Variants in ECT2 observed in about 807,000 individuals in gnomAD.
The protein encoded by ECT2 is epithelial cell transforming 2.
In ECT2, 61 loss-of-function variants were observed where a neutral mutation model predicts 116.9. The ratio of observed to expected loss-of-function variants is 0.52; its 90% CI spans 0.42 to 0.65. ECT2 has a LOEUF of 0.65. Among genes scored for constraint, ECT2 ranks in the 30% least tolerant of loss-of-function variants. The pLI, the probability that ECT2 is intolerant of heterozygous loss-of-function variation, is 0.00. For missense variants in ECT2, 937 were observed against 1,078.7 expected, an observed-to-expected ratio of 0.87 and a Z score of 1.84; for synonymous variants, 358 against 346.4, an observed-to-expected ratio of 1.03 and a Z score of -0.37.
intron 24 of ECT2, chr3:172,818,742 G>A: frequency 7.8e-7 from 1 of 1,287,578 alleles, no homozygotes; most frequent in Non-Finnish European, 1.0e-6. Context: ...TTCTTTCCAA[G>A]TCATCTTTGA....
intron 13 of ECT2, among the ~76,000 whole-genome samples, chr3:172,772,532 T>C (rs1301240768): frequency 6.6e-6 from 1 of 152,216 alleles, no homozygotes; most frequent in African/African-American, 2.4e-5. Context: ...TAGTCCTTTG[T>C]CAAACATGAC....
In ECT2 at chr3:172,762,857, C is replaced by T. The variant is rs775104619; in HGVS notation, c.1005+51C>T. Reference sequence around the variant, plus strand: ...TTTTTAAAAACACTATTAATAGCTTCTCTGATAAAATAAATGTAAACTGTT... The same window carrying T: ...TTTTTAAAAACACTATTAATAGCTTTTCTGATAAAATAAATGTAAACTGTT... On this transcript the variant is annotated intron_variant, in intron 10 of 24. Coordinates refer to ENST00000392692, the MANE Select transcript of ECT2 (RefSeq NM_001258315.2). 17 of 1,609,836 alleles carry T rather than the reference C, an allele frequency of 1.1e-5. No homozygotes were observed. In the Admixed American group the frequency reaches 2.7e-4, roughly 26 times the overall value.
In ECT2 at chr3:172,811,248, A is replaced by AT; in HGVS notation, c.2400+3325dup. 2.0e-5 allele frequency among the ~76,000 whole-genome samples: 3 copies of AT among 152,322 alleles called. No individual in the cohort carries two copies. In the Middle Eastern group the frequency reaches 0.01, roughly 518 times the overall value. ...AGAGAATGAGAATTATTGAGAAAGAATGAATAACAAATAAACCTAGGACTA... is the reference window on the plus strand; with the variant it reads ...AGAGAATGAGAATTATTGAGAAAGAATTGAATAACAAATAAACCTAGGACTA... On this transcript the variant is annotated intron_variant, in intron 22 of 24. Transcript: ENST00000392692.
At chr3:172,819,121 T>C (rs955737745) in intron 24 of ECT2, among the ~76,000 whole-genome samples, 2 of 152,148 alleles carry the variant, frequency 1.3e-5, no homozygotes, top group African/African-American at 4.8e-5. Context: ...ATTATGCTTT[T>C]AATATGCCAA....
intron 20 of ECT2, among the ~76,000 whole-genome samples, chr3:172,804,904 T>C (rs1364503169): frequency 6.6e-6 from 1 of 151,904 alleles, no homozygotes; most frequent in Admixed American, 6.6e-5. Context: ...TTTTTTTTGT[T>C]CTATCCCTTT....
chr3:172,788,985 G>A (rs1724114260), intron 18 of ECT2, among the ~76,000 whole-genome samples: 1 of 148,168 alleles, frequency 6.7e-6, no homozygotes, highest in South Asian at 2.1e-4. Flanking sequence ...TGGAACCCGG[G>A]ATGTGGAGGT....
At chr3:172,798,821 A>G (rs1316550458) in intron 18 of ECT2, among the ~76,000 whole-genome samples, 1 of 152,196 alleles carries the variant, frequency 6.6e-6, no homozygotes, top group Non-Finnish European at 1.5e-5. Flanking sequence ...TTTATAGCAG[A>G]ATACAATTGA....
intron 7 of ECT2, 85 bp from the exon 8 acceptor site, chr3:172,761,525 A>G: frequency 2.2e-6 from 2 of 921,872 alleles, no homozygotes; most frequent in Middle Eastern, 2.8e-4. Flanking sequence ...CTAAAACTGC[A>G]AAAAATTAAG....
intron 22 of ECT2, among the ~76,000 whole-genome samples, chr3:172,810,262 C>T (rs11706689): frequency 0.46 from 70,513 of 151,762 alleles, 19,443 homozygotes; most frequent in East Asian, 0.69. Flanking sequence ...GTACTTTTGC[C>T]GCTACCTTTA....
intron 24 of ECT2, among the ~76,000 whole-genome samples, chr3:172,817,404 A>G (rs1440318282): frequency 1.3e-5 from 2 of 152,052 alleles, no homozygotes; most frequent in Non-Finnish European, 2.9e-5. Flanking sequence ...TATGTTCTAA[A>G]ATCTCTGAGA....
At chr3:172,757,611 T>C (rs533903853) in intron 5 of ECT2, among the ~76,000 whole-genome samples, 1 of 152,034 alleles carries the variant, frequency 6.6e-6, no homozygotes, top group East Asian at 1.9e-4. Flanking sequence ...GAGATGGCGT[T>C]TCACCATGTT....
Position 172,802,095 on chromosome 3 carries a change from TTTTG to T in ECT2, c.1908-517_1908-514del, listed in dbSNP as rs563372320. Among the ~76,000 whole-genome samples the T allele has an allele frequency of 7.9e-4, 105 of 133,508 alleles. 2 individuals are homozygous for T. In the South Asian group the frequency reaches 0.029, roughly 37 times the overall value. 87.6% of individuals were successfully genotyped at this position (133,508 alleles called of 152,430 possible). ...ACTTTTCTGAAGGAGTCTATGGATG[TTTTG>T]TTTTTGTTTTTGTTTTTGTTTTTGT... On this transcript the variant is annotated intron_variant, in intron 18 of 24. Coordinates refer to ENST00000392692, the MANE Select transcript of ECT2 (RefSeq NM_001258315.2).
chr3:172,769,659 T>C (rs1020682535), intron 13 of ECT2, among the ~76,000 whole-genome samples: 1 of 152,174 alleles, frequency 6.6e-6, no homozygotes, highest in African/African-American at 2.4e-5. Flanking sequence ...ACTCATTGCT[T>C]ACCAATATTA....
chr3:172,778,432 C>T (rs1455262864), intron 14 of ECT2, among the ~76,000 whole-genome samples: 1 of 151,986 alleles, frequency 6.6e-6, no homozygotes, highest in East Asian at 1.9e-4. Context: ...AACTGAGTCC[C>T]CCTTTCTAAT....
At chr3:172,778,127 A>G (rs1722068587) in intron 14 of ECT2, among the ~76,000 whole-genome samples, 1 of 152,182 alleles carries the variant, frequency 6.6e-6, no homozygotes. Flanking sequence ...AAATCTTAAC[A>G]AGGAAGAAAA....
chr3:172,822,382 C>T (rs1730729867), downstream of ECT2, among the ~76,000 whole-genome samples: 1 of 151,860 alleles, frequency 6.6e-6, no homozygotes, highest in South Asian at 2.1e-4. Context: ...AAATAATTTT[C>T]ATATATAACT....
intron 18 of ECT2, among the ~76,000 whole-genome samples, chr3:172,802,029 G>T (rs1726806214): frequency 6.6e-6 from 1 of 152,142 alleles, no homozygotes; most frequent in Non-Finnish European, 1.5e-5. Context: ...AGTGCATAGG[G>T]AGTATAGTAA....
At position 172,821,159 on chromosome 3, in the gene ECT2, T is replaced by C. The variant is rs1260767354; in HGVS notation, c.*922T>C. On this transcript the variant is annotated 3_prime_UTR_variant, in exon 25 of 25. Coordinates refer to ENST00000392692, the MANE Select transcript of ECT2 (RefSeq NM_001258315.2). ...TGTTCAACTTTTTATTGTGGTCTTA[T>C]AATTAAATGTAAAATTGAAAATTCA... The C allele has an allele frequency of 6.6e-6, 1 of 151,972 alleles. No homozygotes were observed. The allele number at this position is 151,972 out of a possible 1,614,324, so 9.4% of individuals were successfully genotyped here. A position where few individuals can be genotyped will look rare whatever the true frequency, so the allele number is the denominator to read the frequency against.
At chr3:172,827,868 A>G in the ECT2 span, among the ~76,000 whole-genome samples, 2 of 152,232 alleles carry the variant, frequency 1.3e-5, no homozygotes, top group Non-Finnish European at 1.5e-5. Context: ...AAAGCTGACC[A>G]TTGAATGCTT....
Sources: gnomAD v4.1 joint callset for allele counts (sites outside exome capture counted in the v4.1 genomes callset) on GRCh38, gnomAD v4.1.1 for gene constraint, MANE v1.5 for transcripts, NCBI Gene and HGNC (gene_info 2026-07-23, HGNC 2026-07-21) for gene names.